Variants in TENM4 observed in about 807,000 individuals in gnomAD.
The protein encoded by TENM4 is teneurin transmembrane protein 4, also known as teneurin-4.
TENM4 carries 82 observed loss-of-function variants against 243.3 expected under a neutral mutation model. The observed-to-expected ratio is 0.34, with a 90% confidence interval of 0.28 to 0.40. The LOEUF is 0.40. TENM4 is among the 10% of genes least tolerant of loss of function. TENM4 has a pLI of 1.00. For synonymous variants in TENM4, 1,412 were observed against 1,456.3 expected, an observed-to-expected ratio of 0.97 and a Z score of 0.69; for missense variants, 3,138 against 3,673.3, an observed-to-expected ratio of 0.85 and a Z score of 3.77.
At chr11:79,433,071 C>T (rs1859201853) in intron 1 of TENM4, among the ~76,000 whole-genome samples, 1 of 152,156 alleles carries the variant, frequency 6.6e-6, no homozygotes, top group South Asian at 2.1e-4. Flanking sequence ...TTCCCCAAAT[C>T]TAAAATGAAA....
At chr11:79,008,850 A>G (rs1324301411) in intron 6 of TENM4, among the ~76,000 whole-genome samples, 1 of 152,208 alleles carries the variant, frequency 6.6e-6, no homozygotes, top group Non-Finnish European at 1.5e-5. Flanking sequence ...GCTTTCCATA[A>G]AGGTGATCAG....
chr11:79,197,123 A>G (rs1863644985), intron 3 of TENM4, among the ~76,000 whole-genome samples: 1 of 152,198 alleles, frequency 6.6e-6, no homozygotes, highest in African/African-American at 2.4e-5. Context: ...TCTTGGAGGC[A>G]AAGGTGTGAC....
At chr11:78,901,776 A>G (rs1324771158) in intron 7 of TENM4, among the ~76,000 whole-genome samples, 1 of 152,224 alleles carries the variant, frequency 6.6e-6, no homozygotes, top group African/African-American at 2.4e-5. Context: ...TGAGGCACAC[A>G]GGGAAAAATC....
At chr11:79,036,396 G>T (rs1356862141) in intron 6 of TENM4, among the ~76,000 whole-genome samples, 1 of 152,236 alleles carries the variant, frequency 6.6e-6, no homozygotes, top group East Asian at 1.9e-4. Context: ...ATAGCTGGTG[G>T]TATGGGGATC....
intron 9 of TENM4, among the ~76,000 whole-genome samples, chr11:78,867,646 AATTAGT>A (rs1423820117): frequency 1.3e-5 from 2 of 152,210 alleles, no homozygotes; most frequent in Admixed American, 6.5e-5. Flanking sequence ...ATAACACAAA[AATTAGT>A]ATCATTTGAA....
At chr11:79,336,014 T>C (rs1199199417) in intron 1 of TENM4, among the ~76,000 whole-genome samples, 1 of 145,558 alleles carries the variant, frequency 6.9e-6, no homozygotes. Context: ...GTGTGCTAGA[T>C]GCTTTCATGG....
intron 1 of TENM4, among the ~76,000 whole-genome samples, chr11:79,437,213 T>G (rs1219551518): frequency 6.6e-6 from 1 of 152,210 alleles, no homozygotes; most frequent in African/African-American, 2.4e-5. Context: ...GTGCTATGTG[T>G]GACTTCGCTG....
intron 2 of TENM4, among the ~76,000 whole-genome samples, chr11:79,236,108 G>A (rs1489141597): frequency 1.3e-5 from 2 of 152,050 alleles, no homozygotes; most frequent in Non-Finnish European, 2.9e-5. Flanking sequence ...GTACTCATTT[G>A]GGGAGTGAGA....
At chr11:79,086,449 T>C (rs150601807) in intron 4 of TENM4, among the ~76,000 whole-genome samples, 3 of 152,362 alleles carry the variant, frequency 2.0e-5, no homozygotes, top group East Asian at 3.9e-4. Context: ...TGATATGTTA[T>C]ATAGCAAAGG....
intron 1 of TENM4, among the ~76,000 whole-genome samples, chr11:79,317,796 C>G (rs1351899487): frequency 1.3e-5 from 2 of 152,316 alleles, no homozygotes; most frequent in East Asian, 3.9e-4. Flanking sequence ...TTCCTATGGG[C>G]TTCTGGCTGT....
intron 1 of TENM4, among the ~76,000 whole-genome samples, chr11:79,389,450 C>T (rs1465748203): frequency 2.0e-5 from 3 of 152,230 alleles, no homozygotes; most frequent in South Asian, 2.1e-4. Flanking sequence ...AGCCACTGTG[C>T]CCAGCACAGA....
At chr11:79,088,345 G>T (rs1364799845) in intron 4 of TENM4, among the ~76,000 whole-genome samples, 1 of 152,124 alleles carries the variant, frequency 6.6e-6, no homozygotes, top group Non-Finnish European at 1.5e-5. Flanking sequence ...ACCCTGTATT[G>T]CGGGGAGACA....
chr11:79,111,057 T>C (rs1861492391), intron 4 of TENM4, among the ~76,000 whole-genome samples: 1 of 152,132 alleles, frequency 6.6e-6, no homozygotes, highest in Admixed American at 6.6e-5. Flanking sequence ...GGGAGACAAT[T>C]GAATCATGGG....
chr11:79,294,815 C>T (rs1418876352), intron 2 of TENM4, among the ~76,000 whole-genome samples: 1 of 152,042 alleles, frequency 6.6e-6, no homozygotes, highest in Non-Finnish European at 1.5e-5. Context: ...CATCACTGCA[C>T]TCCAGCCTGG....
At chr11:78,794,149 G>A (rs1057044439) in intron 15 of TENM4, among the ~76,000 whole-genome samples, 9 of 152,184 alleles carry the variant, frequency 5.9e-5, no homozygotes, top group Non-Finnish European at 1.3e-4. Context: ...GGCCATCTAA[G>A]TGTCCCAACT....
At chr11:79,253,697 G>A (rs1245308937) in intron 2 of TENM4, among the ~76,000 whole-genome samples, 1 of 152,144 alleles carries the variant, frequency 6.6e-6, no homozygotes, top group Non-Finnish European at 1.5e-5. Context: ...CCGTCCAAGA[G>A]GCTACAGAGG....
chr11:78,829,225 C>T (rs1857924021), intron 12 of TENM4, among the ~76,000 whole-genome samples: 2 of 152,176 alleles, frequency 1.3e-5, no homozygotes. Flanking sequence ...TCTGACTGCC[C>T]CTCAGTTCAG....
chr11:79,440,837 G>C lies in TENM4; in HGVS notation c.-649C>G, dbSNP rs1859390317. On this transcript the variant is annotated 5_prime_UTR_variant, in exon 1 of 34. Transcript: ENST00000278550. The surrounding 1 kb of genome is among the most constrained non-coding windows in gnomAD (Gnocchi z 4.7). The stretch of plus-strand genomic sequence containing the variant: ...CCCGAGGCTTCTGGGGGGTTGGGGC[G>C]GGTGTGTGCGCGCGCGTGTGTGAGT... 6.9e-6 allele frequency: 1 copy of C among 145,954 alleles called. No individual in the cohort carries two copies. Among genetic ancestry groups the C allele is most frequent in the Non-Finnish European group, 1.5e-5 (1 of 67,528 alleles). The allele number at this position is 145,954 out of a possible 1,614,324, so 9.0% of individuals were successfully genotyped here.
At chr11:79,218,469 C>G (rs1324915356) in intron 2 of TENM4, among the ~76,000 whole-genome samples, 1 of 152,108 alleles carries the variant, frequency 6.6e-6, no homozygotes, top group Non-Finnish European at 1.5e-5. Context: ...ATGAAACACT[C>G]AAATTTCTTT....
Sources: allele counts gnomAD v4.1 joint callset (sites outside exome capture counted in the v4.1 genomes callset), GRCh38; gene constraint gnomAD v4.1.1; non-coding constraint Gnocchi (gnomAD v3.1); transcripts MANE v1.5; gene names NCBI Gene and HGNC (gene_info 2026-07-23, HGNC 2026-07-21).